Variants in LEPR observed in about 807,000 individuals in gnomAD.
The protein encoded by LEPR is OB receptor.
A neutral mutation model predicts 114.7 loss-of-function variants in LEPR; 56 were observed. The observed-to-expected ratio is 0.49, with a 90% CI of 0.39 to 0.61. The LOEUF (loss-of-function observed/expected upper bound fraction) is 0.61. LEPR is among the 20% of genes least tolerant of loss of function. LEPR has a pLI of 0.00. For synonymous variants in LEPR, 443 were observed against 461.4 expected (o/e 0.96, Z 0.51); for missense variants, 1,202 against 1,352.9 (o/e 0.89, Z 1.75).
chr1:65,498,176 C>T (rs1213640249), intron 2 of LEPR, among the ~76,000 whole-genome samples: 1 of 152,030 alleles, frequency 6.6e-6, no homozygotes, highest in African/African-American at 2.4e-5. Context: ...ATCATTATGG[C>T]GGTCTGTGTT....
At chr1:65,446,179 G>T (rs751935296) in intron 2 of LEPR, among the ~76,000 whole-genome samples, 32 of 152,102 alleles carry the variant, frequency 2.1e-4, no homozygotes, top group Admixed American at 1.9e-3. Context: ...TACTAAACTG[G>T]GATTTTGTTT....
intron 2 of LEPR, among the ~76,000 whole-genome samples, chr1:65,463,372 A>G (rs1391261808): frequency 2.0e-5 from 3 of 152,098 alleles, no homozygotes; most frequent in Admixed American, 6.5e-5. Context: ...GTTCTGTTCC[A>G]TTGATCTATA....
At chr1:65,595,916 C>T (rs1250143187) in intron 6 of LEPR, among the ~76,000 whole-genome samples, 1 of 152,070 alleles carries the variant, frequency 6.6e-6, no homozygotes, top group Non-Finnish European at 1.5e-5. Context: ...AAGCCAGGGA[C>T]TGCTGATGCT....
At chr1:65,424,465 C>T (rs1217990335) in intron 1 of LEPR, among the ~76,000 whole-genome samples, 1 of 152,070 alleles carries the variant, frequency 6.6e-6, no homozygotes, top group African/African-American at 2.4e-5. Flanking sequence ...AACTGGCTGC[C>T]CTCTGGTGAC....
chr1:65,523,009 T>G (rs180866043), intron 2 of LEPR, among the ~76,000 whole-genome samples: 67 of 152,354 alleles, frequency 4.4e-4, no homozygotes, highest in African/African-American at 1.6e-3. Flanking sequence ...TTATCAGGCT[T>G]CAGGTATGTA....
intron 2 of LEPR, among the ~76,000 whole-genome samples, chr1:65,505,808 A>T (rs1249129597): frequency 6.7e-6 from 1 of 149,980 alleles, no homozygotes; most frequent in Admixed American, 6.6e-5. Flanking sequence ...CTTTACTGAA[A>T]TATTTTAACT....
rs140933975 is a variant in LEPR, at chr1:65,605,561, T to C, written c.1603+324T>C. Among the ~76,000 whole-genome samples, 33 of 152,308 alleles carry C rather than the reference T, an allele frequency of 2.2e-4. No homozygotes were observed. In the East Asian group the frequency reaches 6.0e-3, roughly 28 times the overall value. On this transcript the variant is annotated intron_variant, in intron 11 of 19. Coordinates refer to ENST00000349533, the MANE Select transcript of LEPR (RefSeq NM_002303.6). ...TTATGTTTTTGTTCCAATGTAGTTA[T>C]GAAAACATGTAATATTTGTAATCCA...
At chr1:65,587,850 G>A (rs1289226963) in intron 5 of LEPR, among the ~76,000 whole-genome samples, 1 of 151,898 alleles carries the variant, frequency 6.6e-6, no homozygotes, top group African/African-American at 2.4e-5. Context: ...TATTTTTCAT[G>A]TTTTTTATAT....
rs1379411264 is a variant in LEPR, at chr1:65,639,824, A to C, written c.*2809A>C. The C allele has an allele frequency of 6.6e-6, 1 of 152,188 alleles. No homozygotes were observed. The highest frequency in any genetic ancestry group is 6.5e-5 in the Admixed American group (1 of 15,282). The allele number at this position is 152,188 out of a possible 1,614,324, so 9.4% of individuals were successfully genotyped here. ...ATCATATGTCAGGGTTTGCAGGATT[A>C]CAGGATTTCTAACTTAAACCCCCAA... is the stretch of plus-strand genomic sequence containing the variant. On this transcript the variant is annotated 3_prime_UTR_variant, in exon 20 of 20. Transcript: ENST00000349533.
intron 3 of LEPR, among the ~76,000 whole-genome samples, chr1:65,570,257 A>T (rs1384391771): frequency 6.6e-6 from 1 of 152,226 alleles, no homozygotes; most frequent in African/African-American, 2.4e-5. Flanking sequence ...AAGAAAAGAG[A>T]TGTCAGAAAG....
intron 2 of LEPR, among the ~76,000 whole-genome samples, chr1:65,551,513 T>A (rs1378096958): frequency 6.6e-6 from 1 of 152,192 alleles, no homozygotes; most frequent in East Asian, 1.9e-4. Context: ...GTTTATAGTA[T>A]TTTCTGGTGG....
At chr1:65,464,772 A>C (rs1281769288) in intron 2 of LEPR, among the ~76,000 whole-genome samples, 4 of 152,240 alleles carry the variant, frequency 2.6e-5, no homozygotes, top group African/African-American at 9.6e-5. Flanking sequence ...GTATGTGTCC[A>C]GGAATTAATC....
At chr1:65,455,856 C>A (rs1011723102) in intron 2 of LEPR, among the ~76,000 whole-genome samples, 1 of 152,230 alleles carries the variant, frequency 6.6e-6, no homozygotes, top group African/African-American at 2.4e-5. Flanking sequence ...CAAGCCTGGA[C>A]AATGGTGGGC....
chr1:65,531,986 A>G (rs751135598), intron 2 of LEPR, among the ~76,000 whole-genome samples: 7 of 151,982 alleles, frequency 4.6e-5, no homozygotes, highest in Non-Finnish European at 1.0e-4. Flanking sequence ...GGATTCACCA[A>G]TTTGCATTCC....
chr1:65,436,280 GA>G (rs572186213), intron 2 of LEPR, among the ~76,000 whole-genome samples: 1 of 152,102 alleles, frequency 6.6e-6, no homozygotes, highest in Non-Finnish European at 1.5e-5. Flanking sequence ...TATTGGAAAA[GA>G]AAAAAACCTG....
At chr1:65,568,487 T>TTG (rs1268089876) in intron 3 of LEPR, among the ~76,000 whole-genome samples, 2 of 139,962 alleles carry the variant, frequency 1.4e-5, no homozygotes, top group Non-Finnish European at 3.1e-5. Context: ...CTGCATAGTA[T>TTG]TCCATGGTGT....
Position 65,623,189 on chromosome 1 carries a change from G to T in LEPR, c.2673+208G>T. 3 of 554,918 alleles carry T rather than the reference G, an allele frequency of 5.4e-6. No homozygotes were observed. In the South Asian group the frequency reaches 6.4e-5, roughly 12 times the overall value. The allele number at this position is 554,918 out of a possible 1,614,324, so 34.4% of individuals were successfully genotyped here. ...AACAAATTTCAGCGCATAGTTTATC[G>T]TATGAGAGTTCACAATATACATATG... On this transcript the variant is annotated intron_variant, in intron 19 of 19. Transcript: ENST00000349533.
chr1:65,526,914 A>G (rs1446193006), intron 2 of LEPR, among the ~76,000 whole-genome samples: 1 of 152,234 alleles, frequency 6.6e-6, no homozygotes, highest in East Asian at 1.9e-4. Flanking sequence ...GTTTATATGC[A>G]TTTATGACTT....
Position 65,466,371 on chromosome 1 carries a change from GT to G in LEPR, c.-21+40994del, listed in dbSNP as rs553332728. 2.2e-4 allele frequency among the ~76,000 whole-genome samples: 34 copies of G among 152,330 alleles called. 1 individual carries two copies. The East Asian group carries it at 6.6e-3, about 29-fold the overall frequency. On this transcript the variant is annotated intron_variant, in intron 2 of 19. Coordinates refer to ENST00000349533, the MANE Select transcript of LEPR (RefSeq NM_002303.6). ...ATTGGCCCCCACTCTCTTTTGGCTT[GT>G]AGGGTTTCTGCCGAGAGATCCGCTG...
Sources: gnomAD v4.1 joint callset for allele counts (sites outside exome capture counted in the v4.1 genomes callset) on GRCh38, gnomAD v4.1.1 for gene constraint, MANE v1.5 for transcripts, NCBI Gene and HGNC (gene_info 2026-07-23, HGNC 2026-07-21) for gene names.